Variants in PTPRT observed in about 807,000 individuals in gnomAD.
The protein encoded by PTPRT is receptor-type tyrosine-protein phosphatase T.
A neutral mutation model predicts 176.8 loss-of-function variants in PTPRT; 56 were observed. The ratio of observed to expected loss-of-function variants is 0.32; its 90% confidence interval spans 0.26 to 0.40. The LOEUF is 0.40. PTPRT is among the 10% of genes least tolerant of loss of function. The probability of loss-of-function intolerance (pLI) is 1.00; values close to 1 mark genes in which losing one functional copy is unlikely to be tolerated. For missense variants in PTPRT, 1,540 were observed against 1,908.2 expected (o/e 0.81, Z 3.60); for synonymous variants, 783 against 739.0 (o/e 1.06, Z -0.96).
chr20:42,289,627 C>G (rs1242665815), intron 12 of PTPRT, among the ~76,000 whole-genome samples: 1 of 151,992 alleles, frequency 6.6e-6, no homozygotes, highest in Non-Finnish European at 1.5e-5. Flanking sequence ...AAAAAAATAA[C>G]AGATGTTGGC....
chr20:42,869,734 T>A (rs1417212838), intron 2 of PTPRT, among the ~76,000 whole-genome samples: 1 of 152,214 alleles, frequency 6.6e-6, no homozygotes, highest in African/African-American at 2.4e-5. Context: ...ATTTTGTATA[T>A]GAGAAGGACA....
At chr20:42,420,165 G>A (rs930919495) in intron 9 of PTPRT, among the ~76,000 whole-genome samples, 8 of 152,264 alleles carry the variant, frequency 5.3e-5, no homozygotes, top group Non-Finnish European at 1.2e-4. Context: ...GGGTTGCTAT[G>A]TCTGTCTGTC....
chr20:42,634,949 T>C (rs1189631628), intron 7 of PTPRT, among the ~76,000 whole-genome samples: 1 of 152,106 alleles, frequency 6.6e-6, no homozygotes, highest in Non-Finnish European at 1.5e-5. Flanking sequence ...ATTTCTTACT[T>C]ATCTTTGAAT....
chr20:42,889,294 T>A (rs192554241), intron 1 of PTPRT, among the ~76,000 whole-genome samples: 1 of 152,360 alleles, frequency 6.6e-6, no homozygotes, highest in East Asian at 1.9e-4. Context: ...GTCTGCTCTT[T>A]GAAACTAGGG....
chr20:42,794,346 A>C (rs2077421962), intron 2 of PTPRT, among the ~76,000 whole-genome samples: 2 of 152,160 alleles, frequency 1.3e-5, no homozygotes, highest in Non-Finnish European at 2.9e-5. Context: ...TTGCCTCTCA[A>C]AGACTGGTCC....
intron 17 of PTPRT, among the ~76,000 whole-genome samples, chr20:42,158,143 A>G (rs1264031035): frequency 1.3e-5 from 2 of 152,206 alleles, no homozygotes; most frequent in African/African-American, 4.8e-5. Flanking sequence ...ATGTTGTTAA[A>G]ATTTGGAGTG....
chr20:42,113,330 C>A (rs540359217), intron 22 of PTPRT, among the ~76,000 whole-genome samples: 1 of 152,374 alleles, frequency 6.6e-6, no homozygotes, highest in South Asian at 2.1e-4. Context: ...AGTCACTCAT[C>A]CCATCCTCGG....
intron 3 of PTPRT, among the ~76,000 whole-genome samples, chr20:42,786,577 G>T (rs971610847): frequency 6.6e-6 from 1 of 152,126 alleles, no homozygotes; most frequent in Admixed American, 6.5e-5. Flanking sequence ...CTCTCATAGG[G>T]TGTGAACATA....
At chr20:42,479,782 C>G (rs1450215859) in intron 7 of PTPRT, among the ~76,000 whole-genome samples, 2 of 152,164 alleles carry the variant, frequency 1.3e-5, no homozygotes, top group East Asian at 3.8e-4. Flanking sequence ...CAGGGATGTT[C>G]GACTGGTAAG....
intron 7 of PTPRT, among the ~76,000 whole-genome samples, chr20:42,549,024 C>A (rs1568969036): frequency 1.3e-5 from 2 of 152,116 alleles, no homozygotes; most frequent in African/African-American, 2.4e-5. Context: ...TGGACTAGTG[C>A]AGGCATTTTG....
chr20:42,098,368 T>A, intron 27 of PTPRT, 53 bp downstream of exon 27: 2 of 1,605,076 alleles, frequency 1.2e-6, no homozygotes, highest in Non-Finnish European at 1.7e-6. Context: ...TCCCTCCAGG[T>A]TTAGAGCATG....
chr20:42,931,878 G>A (rs889174913), intron 1 of PTPRT, among the ~76,000 whole-genome samples: 3 of 152,234 alleles, frequency 2.0e-5, no homozygotes, highest in South Asian at 2.1e-4. Flanking sequence ...TGGAATGATA[G>A]AGTAAAGGTC....
intron 3 of PTPRT, among the ~76,000 whole-genome samples, chr20:42,787,307 G>A (rs1418951901): frequency 6.6e-6 from 1 of 152,170 alleles, no homozygotes; most frequent in Non-Finnish European, 1.5e-5. Context: ...GTAAACCAGG[G>A]TTGTCCCAGC....
At chr20:42,626,068 T>C (rs2074283986) in intron 7 of PTPRT, among the ~76,000 whole-genome samples, 1 of 152,034 alleles carries the variant, frequency 6.6e-6, no homozygotes, top group African/African-American at 2.4e-5. Flanking sequence ...GCTAACAGCA[T>C]GAGACTAACT....
At chr20:42,799,719 T>G (rs895770829) in intron 2 of PTPRT, among the ~76,000 whole-genome samples, 2 of 152,240 alleles carry the variant, frequency 1.3e-5, no homozygotes, top group Admixed American at 1.3e-4. Flanking sequence ...CTTCAGACTC[T>G]TCACCTCTTC....
chr20:42,142,004 TA>T lies in PTPRT; in HGVS notation c.2683-3del, dbSNP rs778933354. ...AGCTGTCTGCCCCTCTGGTAAGGCCTAAAAAGCAAGGACAGAGTGGTTAGAG... is the reference window on the plus strand; with the variant it reads ...AGCTGTCTGCCCCTCTGGTAAGGCCTAAAAGCAAGGACAGAGTGGTTAGAG... On this transcript the variant is annotated splice_region_variant and splice_polypyrimidine_tract_variant and intron_variant, in intron 17 of 30. Coordinates refer to ENST00000373187, the MANE Select transcript of PTPRT (RefSeq NM_007050.6). 6.2e-7 allele frequency: 1 copy of T among 1,613,744 alleles called. No homozygotes were observed. Among genetic ancestry groups the T allele is most frequent in the Non-Finnish European group, 8.5e-7 (1 of 1,179,720 alleles).
intron 1 of PTPRT, chr20:42,968,684 C>T (rs1166124791): frequency 6.6e-6 from 1 of 152,198 alleles, no homozygotes; most frequent in African/African-American, 2.4e-5. Context: ...CTCACAATGA[C>T]CTGGTGAGGT....
At chr20:42,128,399 C>T (rs1171545456) in intron 19 of PTPRT, among the ~76,000 whole-genome samples, 1 of 151,956 alleles carries the variant, frequency 6.6e-6, no homozygotes, top group African/African-American at 2.4e-5. Context: ...TTATGGTTCC[C>T]ATAGCATCTA....
intron 15 of PTPRT, among the ~76,000 whole-genome samples, chr20:42,209,095 C>T (rs1255749591): frequency 1.3e-5 from 2 of 152,050 alleles, no homozygotes; most frequent in Non-Finnish European, 2.9e-5. Flanking sequence ...TCTTTGAAAC[C>T]AATGAGAACA....
Sources: allele counts gnomAD v4.1 joint callset (sites outside exome capture counted in the v4.1 genomes callset), GRCh38; gene constraint gnomAD v4.1.1; transcripts MANE v1.5; gene names NCBI Gene and HGNC (gene_info 2026-07-23, HGNC 2026-07-21).